The following RGL1 variants were observed in gnomAD, a reference collection of about 807,000 sequenced individuals.
RGL1 encodes ral guanine nucleotide dissociation stimulator like 1.
In RGL1, 24 loss-of-function variants were observed where a neutral mutation model predicts 95.2. The observed-to-expected ratio is 0.25, with a 90% CI of 0.18 to 0.35. The LOEUF is 0.35. Ranked by LOEUF, RGL1 falls within the 10% of genes least tolerant of loss-of-function variation. RGL1 has a pLI of 1.00. For synonymous variants in RGL1, 329 were observed against 344.9 expected, an observed-to-expected ratio of 0.95 and a Z score of 0.51; for missense variants, 715 against 936.3, an observed-to-expected ratio of 0.76 and a Z score of 3.08.
chr1:183,851,814 T>A (rs935424160), intron 3 of RGL1, among the ~76,000 whole-genome samples: 2 of 152,252 alleles, frequency 1.3e-5, no homozygotes, highest in African/African-American at 2.4e-5. Flanking sequence ...TGATTAAATT[T>A]AACCAAAATG....
chr1:183,765,844 T>C (rs1187112505), intron 2 of RGL1, among the ~76,000 whole-genome samples: 1 of 152,212 alleles, frequency 6.6e-6, no homozygotes, highest in African/African-American at 2.4e-5. Context: ...GAAAGTTTGA[T>C]TATTTCTGTG....
Position 183,892,067 on chromosome 1 carries a change from CT to C in RGL1, c.1056-6del. 1 of 1,606,614 alleles carries C rather than the reference CT, an allele frequency of 6.2e-7. No individual in the cohort carries two copies. The highest frequency in any genetic ancestry group is 8.5e-7 in the Non-Finnish European group (1 of 1,174,444). ...TTCATTGTTAATATTTTCTTAATCC[CT>C]TTTCATAGGGACCGAATGCTGATGT... is the stretch of plus-strand genomic sequence containing the variant. On this transcript the variant is annotated splice_polypyrimidine_tract_variant and intron_variant, in intron 8 of 17. Coordinates refer to ENST00000360851, the MANE Select transcript of RGL1 (RefSeq NM_001297671.3).
intron 11 of RGL1, among the ~76,000 whole-genome samples, chr1:183,901,881 A>G (rs1221567923): frequency 6.6e-6 from 1 of 152,250 alleles, no homozygotes; most frequent in African/African-American, 2.4e-5. Context: ...CCTTGTTATC[A>G]TATGCAACCA....
At chr1:183,893,838 C>G (rs1022226149) in intron 9 of RGL1, among the ~76,000 whole-genome samples, 3 of 152,248 alleles carry the variant, frequency 2.0e-5, no homozygotes, top group Non-Finnish European at 4.4e-5. Flanking sequence ...TATCTTTTCA[C>G]TTTGTATCCC....
chr1:183,917,034 C>G (rs1669022774), intron 16 of RGL1, among the ~76,000 whole-genome samples: 1 of 152,074 alleles, frequency 6.6e-6, no homozygotes, highest in Non-Finnish European at 1.5e-5. Context: ...TAAATGTGCT[C>G]CAGGGAGGAT....
At chr1:183,908,252 C>T (rs1447355125) in intron 14 of RGL1, among the ~76,000 whole-genome samples, 4 of 152,130 alleles carry the variant, frequency 2.6e-5, no homozygotes, top group African/African-American at 9.7e-5. Flanking sequence ...CACATTGAGA[C>T]ACAGGCAGGG....
In RGL1 at chr1:183,724,640, A is replaced by G. The variant is rs1185142849; in HGVS notation, c.-32-17486A>G. On this transcript the variant is annotated intron_variant, in intron 1 of 18. Transcript: ENST00000304685. The surrounding 1 kb of genome is among the most constrained non-coding windows in gnomAD (Gnocchi z 4.1). Reference sequence around the variant, plus strand: ...TATATTGTAGTTTGGGTGTCAGCACAGCAGCAGTAGAATAGAGCACCAGGG... The same window carrying G: ...TATATTGTAGTTTGGGTGTCAGCACGGCAGCAGTAGAATAGAGCACCAGGG... Among the ~76,000 whole-genome samples, 2 of 152,120 alleles carry G rather than the reference A, an allele frequency of 1.3e-5. No individual in the cohort carries two copies. The highest frequency in any genetic ancestry group is 3.2e-3 in the Middle Eastern group (1 of 316).
chr1:183,923,772 G>A (rs1412056213), intron 17 of RGL1, among the ~76,000 whole-genome samples: 1 of 152,176 alleles, frequency 6.6e-6, no homozygotes, highest in Non-Finnish European at 1.5e-5. Context: ...GAGTATGTGG[G>A]CAGCAGCATG....
chr1:183,770,808 C>A (rs1003287359), intron 2 of RGL1, among the ~76,000 whole-genome samples: 2 of 152,102 alleles, frequency 1.3e-5, no homozygotes, highest in African/African-American at 4.8e-5. Flanking sequence ...GAGAAAGGAA[C>A]CCAGATCAGA....
intron 3 of RGL1, among the ~76,000 whole-genome samples, chr1:183,848,863 C>T (rs1047180600): frequency 2.0e-5 from 3 of 152,086 alleles, no homozygotes; most frequent in African/African-American, 7.2e-5. Flanking sequence ...TTTCTCCAAG[C>T]TCCAATCCCA....
intron 4 of RGL1, among the ~76,000 whole-genome samples, chr1:183,878,284 T>A (rs1164968430): frequency 1.3e-5 from 2 of 152,120 alleles, no homozygotes; most frequent in East Asian, 3.9e-4. Flanking sequence ...GCAGCCTCTA[T>A]CTCTTGGGTA....
chr1:183,907,314 G>A (rs1435429726), intron 14 of RGL1, among the ~76,000 whole-genome samples: 2 of 152,116 alleles, frequency 1.3e-5, no homozygotes, highest in Non-Finnish European at 2.9e-5. Context: ...ATTCTCTCCT[G>A]CCTGAATCAC....
intron 9 of RGL1, among the ~76,000 whole-genome samples, chr1:183,896,746 C>G (rs541925919): frequency 1.7e-4 from 26 of 152,314 alleles, no homozygotes; most frequent in African/African-American, 5.8e-4. Context: ...CGCAAAAGCA[C>G]TTAATGTTCA....
intron 2 of RGL1, among the ~76,000 whole-genome samples, chr1:183,764,821 A>G (rs766565290): frequency 1.3e-5 from 2 of 152,208 alleles, no homozygotes; most frequent in Non-Finnish European, 2.9e-5. Context: ...TCCACCAAAG[A>G]CAAATCATAG....
chr1:183,800,610 A>G (rs778284981), upstream of RGL1, among the ~76,000 whole-genome samples: 1 of 152,196 alleles, frequency 6.6e-6, no homozygotes, highest in Admixed American at 6.5e-5. Context: ...GAACTTATTC[A>G]TCTTGCATAA....
chr1:183,912,271 A>G lies in RGL1; in HGVS notation c.1749+3A>G, dbSNP rs947529817. The G allele has an allele frequency of 6.2e-7, 1 of 1,613,134 alleles. No individual in the cohort carries two copies. The highest frequency in any genetic ancestry group is 1.3e-5 in the African/African-American group (1 of 75,034). On this transcript the variant is annotated splice_donor_region_variant and intron_variant, in intron 15 of 17. Coordinates refer to ENST00000360851, the MANE Select transcript of RGL1 (RefSeq NM_001297671.3). ...CCCCTGATGAGCCTCAAAAAAAGGTATATACTCAACCCTTCTCATAATTCC... is the reference window on the plus strand; with the variant it reads ...CCCCTGATGAGCCTCAAAAAAAGGTGTATACTCAACCCTTCTCATAATTCC...
intron 1 of RGL1, among the ~76,000 whole-genome samples, chr1:183,698,309 G>T (rs1014197447): frequency 4.6e-5 from 7 of 152,146 alleles, no homozygotes; most frequent in African/African-American, 1.7e-4. Context: ...GCTTCCAACT[G>T]TTGCTAGTCC....
intron 4 of RGL1, among the ~76,000 whole-genome samples, chr1:183,874,030 G>T (rs1320595011): frequency 6.6e-6 from 1 of 152,150 alleles, no homozygotes; most frequent in South Asian, 2.1e-4. Flanking sequence ...TGGACTGTGG[G>T]GAATGAGTTA....
intron 3 of RGL1, among the ~76,000 whole-genome samples, chr1:183,862,581 T>A (rs1453279384): frequency 6.6e-6 from 1 of 152,240 alleles, no homozygotes; most frequent in African/African-American, 2.4e-5. Flanking sequence ...AATTGTAGAT[T>A]TTTGGAATAA....
Sources: allele counts gnomAD v4.1 joint callset (sites outside exome capture counted in the v4.1 genomes callset), GRCh38; gene constraint gnomAD v4.1.1; non-coding constraint Gnocchi (gnomAD v3.1); transcripts MANE v1.5; gene names NCBI Gene and HGNC (gene_info 2026-07-23, HGNC 2026-07-21).